The following PSMD1 variants were observed in gnomAD, a reference collection of about 807,000 sequenced individuals.
PSMD1 encodes 26S proteasome non-ATPase regulatory subunit 1.
PSMD1 carries 18 observed loss-of-function variants against 119.0 expected under a neutral mutation model. The observed-to-expected ratio is 0.15, with a 90% CI of 0.10 to 0.22. The LOEUF (loss-of-function observed/expected upper bound fraction) is 0.22. Among genes scored for constraint, PSMD1 ranks in the 10% least tolerant of loss-of-function variants. The probability of loss-of-function intolerance (pLI) is 1.00; values close to 1 mark genes in which losing one functional copy is unlikely to be tolerated. For missense variants in PSMD1, 702 were observed against 1,158.5 expected (o/e 0.61, Z 5.72); for synonymous variants, 374 against 396.6 (o/e 0.94, Z 0.68).
At chr2:231,078,791 CTTTTTTTTTTTT>C (rs748353083) in intron 10 of PSMD1, 44 bp downstream of exon 10, 30 of 342,876 alleles carry the variant, frequency 8.7e-5, no homozygotes, top group South Asian at 3.0e-4. Context: ...AAATCTTTTT[CTTTTTTTTTTTT>C]TTTTTTTTTT....
chr2:231,138,841 A>C lies in PSMD1; in HGVS notation c.1989A>C (p.Thr663=). ...CCTTGGGGATATGCTGTGCTGGTAC[A>C]GGAAACAAGGTAAAGCCCACAGCCA... is the stretch of plus-strand genomic sequence containing the variant. The part of the protein sequence containing the change: ...AMALGICCAG[T]GNKEAINLLE... Residue 663 remains threonine, a synonymous_variant, in exon 17 of 25, where the codon ACA becomes ACC. Coordinates refer to ENST00000308696, the MANE Select transcript of PSMD1 (RefSeq NM_002807.4). The C allele has an allele frequency of 6.2e-7, 1 of 1,613,284 alleles. No individual in the cohort carries two copies. Among genetic ancestry groups the C allele is most frequent in the Non-Finnish European group, 8.5e-7 (1 of 1,179,238 alleles).
intron 16 of PSMD1, among the ~76,000 whole-genome samples, chr2:231,105,423 A>ATT (rs1694952712): frequency 6.6e-6 from 1 of 152,194 alleles, no homozygotes; most frequent in East Asian, 1.9e-4. Flanking sequence ...TTTGGAAGTG[A>ATT]GTAGAATCTG....
At chr2:231,139,835 A>G (rs1308940517) in intron 17 of PSMD1, among the ~76,000 whole-genome samples, 1 of 152,204 alleles carries the variant, frequency 6.6e-6, no homozygotes, top group Non-Finnish European at 1.5e-5. Context: ...GTTATAAAAA[A>G]AGAGTTGAAT....
At chr2:231,119,908 T>A (rs1020516863) in intron 16 of PSMD1, among the ~76,000 whole-genome samples, 8 of 140,096 alleles carry the variant, frequency 5.7e-5, no homozygotes, top group Admixed American at 2.1e-4. Context: ...AATAAACCAA[T>A]AACACCCAAT....
intron 1 of PSMD1, 60 bp from the exon 2 acceptor site, chr2:231,061,207 G>GTTAAT: frequency 7.3e-7 from 1 of 1,365,800 alleles, no homozygotes. Flanking sequence ...TTGACCAGGT[G>GTTAAT]TTAATTTCCA....
chr2:231,163,326 G>A (rs965185817), intron 20 of PSMD1: 4 of 249,546 alleles, frequency 1.6e-5, no homozygotes, highest in Admixed American at 1.5e-4. Context: ...CTTTACAAAG[G>A]AGAGAACAGT....
chr2:231,080,453 T>C, intron 12 of PSMD1, 139 bp downstream of exon 12: 1 of 705,160 alleles, frequency 1.4e-6, no homozygotes, highest in Non-Finnish European at 2.2e-6. Context: ...TTTTTTTTTT[T>C]AGGTAATTTC....
At chr2:231,121,183 T>A (rs1695528417) in intron 16 of PSMD1, among the ~76,000 whole-genome samples, 1 of 152,188 alleles carries the variant, frequency 6.6e-6, no homozygotes, top group African/African-American at 2.4e-5. Flanking sequence ...AACTTATTTC[T>A]GATAGTAAAA....
chr2:231,108,847 G>C (rs1448150967), intron 16 of PSMD1: 3 of 1,614,096 alleles, frequency 1.9e-6, no homozygotes, highest in Non-Finnish European at 2.5e-6. Context: ...TCACTCCTGA[G>C]GAAACATAGC....
chr2:231,062,027 A>G (rs1693772667), intron 2 of PSMD1, among the ~76,000 whole-genome samples: 1 of 152,236 alleles, frequency 6.6e-6, no homozygotes. Context: ...CCTGGAGTTA[A>G]TTGTTTATAT....
chr2:231,118,526 G>A (rs1279140719), intron 16 of PSMD1, among the ~76,000 whole-genome samples: 1 of 152,138 alleles, frequency 6.6e-6, no homozygotes, highest in Non-Finnish European at 1.5e-5. Context: ...TTTATATACG[G>A]TACAGGAAAA....
chr2:231,097,978 C>T (rs1694764069), intron 16 of PSMD1, among the ~76,000 whole-genome samples: 1 of 152,200 alleles, frequency 6.6e-6, no homozygotes, highest in Admixed American at 6.5e-5. Context: ...TTCTTAAGCT[C>T]ACTGCATCCC....
chr2:231,062,320 A>G lies in PSMD1; in HGVS notation c.133A>G (p.Ile45Val), dbSNP rs759428721. 1.2e-6 allele frequency: 2 copies of G among 1,601,268 alleles called. No individual in the cohort carries two copies. The highest frequency in any genetic ancestry group is 1.7e-4 in the Middle Eastern group (1 of 6,042). ...WAEISESVDKIEVLYEDEGFR... is the reference protein window; with the variant it reads ...WAEISESVDKVEVLYEDEGFR... ...AGAAATTTCCGAGTCCGTAGACAAA[A>G]TGTAAGAAATTATTTTTATAAATCA... The change falls in exon 3 of 25, where the codon ATA becomes GTA. Residue 45 changes from isoleucine (I) to valine (V), a missense_variant and splice_region_variant. Ile to Val is a conservative substitution (Grantham distance 29). Coordinates refer to ENST00000308696, the MANE Select transcript of PSMD1 (RefSeq NM_002807.4).
intron 19 of PSMD1, among the ~76,000 whole-genome samples, chr2:231,159,283 A>G (rs1696579675): frequency 6.6e-6 from 1 of 152,200 alleles, no homozygotes; most frequent in Non-Finnish European, 1.5e-5. Context: ...CATCTAGCGC[A>G]TGGGCCAAAT....
chr2:231,164,363 T>G (rs1436084564), intron 21 of PSMD1, among the ~76,000 whole-genome samples: 1 of 152,192 alleles, frequency 6.6e-6, no homozygotes, highest in Non-Finnish European at 1.5e-5. Flanking sequence ...ACCAACTGTG[T>G]ATGAGGACAC....
chr2:231,072,702 T>C (rs1694069950), intron 7 of PSMD1, among the ~76,000 whole-genome samples: 1 of 151,898 alleles, frequency 6.6e-6, no homozygotes, highest in Admixed American at 6.6e-5. Context: ...AAAAAACAGG[T>C]GGGGATAGGT....
intron 18 of PSMD1, among the ~76,000 whole-genome samples, chr2:231,146,914 A>G (rs1696265286): frequency 6.6e-6 from 1 of 152,238 alleles, no homozygotes; most frequent in African/African-American, 2.4e-5. Context: ...CTTGACCCAC[A>G]TCTGCTCCAC....
intron 18 of PSMD1, among the ~76,000 whole-genome samples, chr2:231,150,844 T>C (rs1696362083): frequency 1.3e-5 from 2 of 152,198 alleles, no homozygotes; most frequent in Non-Finnish European, 2.9e-5. Flanking sequence ...GATGTACAGC[T>C]ACATTTCCAT....
intron 16 of PSMD1, among the ~76,000 whole-genome samples, chr2:231,137,326 T>C (rs775893187): frequency 6.6e-6 from 1 of 151,522 alleles, no homozygotes; most frequent in Non-Finnish European, 1.5e-5. Context: ...ATGTTGGCCA[T>C]CTGGTCTCAA....
Sources: gnomAD v4.1 joint callset for allele counts (sites outside exome capture counted in the v4.1 genomes callset) on GRCh38, gnomAD v4.1.1 for gene constraint, MANE v1.5 for transcripts, NCBI Gene and HGNC (gene_info 2026-07-23, HGNC 2026-07-21) for gene names.